The following CD28 variants were observed in gnomAD, a reference collection of about 807,000 sequenced individuals.
CD28 encodes the protein CD28 molecule, also known as T-cell-specific surface glycoprotein CD28.
CD28 carries 8 observed loss-of-function variants against 21.4 expected under a neutral mutation model. The observed-to-expected ratio is 0.37, with a 90% CI of 0.22 to 0.68. The LOEUF is 0.68. Ranked by LOEUF, CD28 falls within the 30% of genes least tolerant of loss-of-function variation. The pLI, the probability that CD28 is intolerant of heterozygous loss-of-function variation, is 0.55. For missense variants in CD28, 239 were observed against 272.2 expected, an observed-to-expected ratio of 0.88 and a Z score of 0.86; for synonymous variants, 106 against 104.0, an observed-to-expected ratio of 1.02 and a Z score of -0.12.
intron 1 of CD28, among the ~76,000 whole-genome samples, chr2:203,713,182 C>T (rs10932017): frequency 0.49 from 75,077 of 152,034 alleles, 18,889 homozygotes; most frequent in South Asian, 0.66. Context: ...GAGAATCCAG[C>T]TAAGCAAAGG....
chr2:203,723,480 C>A (rs1693656872), intron 1 of CD28, among the ~76,000 whole-genome samples: 1 of 137,888 alleles, frequency 7.3e-6, no homozygotes, highest in Non-Finnish European at 1.6e-5. Context: ...GAGTGAGACT[C>A]TGTAAAAATA....
intron 1 of CD28, among the ~76,000 whole-genome samples, chr2:203,711,582 C>G (rs1452263634): frequency 6.6e-6 from 1 of 152,256 alleles, no homozygotes; most frequent in East Asian, 1.9e-4. Context: ...TTGTGGCTGA[C>G]AATATAACCA....
chr2:203,711,728 C>T (rs1693317297), intron 1 of CD28, among the ~76,000 whole-genome samples: 1 of 152,186 alleles, frequency 6.6e-6, no homozygotes, highest in South Asian at 2.1e-4. Flanking sequence ...ATCTACTTGT[C>T]TTTCATGTTA....
At chr2:203,724,160 T>TA (rs1017931759) in intron 1 of CD28, among the ~76,000 whole-genome samples, 14 of 152,192 alleles carry the variant, frequency 9.2e-5, no homozygotes, top group African/African-American at 2.2e-4. Flanking sequence ...ATTCTACTTA[T>TA]AAAAAAAGTC....
chr2:203,732,723 C>T (rs1423054235), intron 3 of CD28, among the ~76,000 whole-genome samples: 1 of 152,182 alleles, frequency 6.6e-6, no homozygotes, highest in Non-Finnish European at 1.5e-5. Context: ...ACTTCCTGCA[C>T]ACATATGCAC....
At chr2:203,714,015 A>T (rs1693395751) in intron 1 of CD28, among the ~76,000 whole-genome samples, 1 of 151,694 alleles carries the variant, frequency 6.6e-6, no homozygotes, top group Non-Finnish European at 1.5e-5. Flanking sequence ...ATAGGGAGGG[A>T]GATTTGTTGC....
intron 3 of CD28, among the ~76,000 whole-genome samples, chr2:203,730,254 T>A (rs898756984): frequency 2.6e-5 from 4 of 152,036 alleles, no homozygotes; most frequent in Admixed American, 1.3e-4. Flanking sequence ...TGAGTCATAT[T>A]TTTTTTTCTC....
chr2:203,715,973 C>G (rs1414565561), intron 1 of CD28, among the ~76,000 whole-genome samples: 2 of 152,140 alleles, frequency 1.3e-5, no homozygotes, highest in Non-Finnish European at 2.9e-5. Flanking sequence ...TTCCCTTGCT[C>G]CAAGCCAAGG....
At chr2:203,713,521 G>A (rs1478461252) in intron 1 of CD28, among the ~76,000 whole-genome samples, 2 of 152,014 alleles carry the variant, frequency 1.3e-5, no homozygotes, top group Non-Finnish European at 1.5e-5. Context: ...AAAAGATAGT[G>A]GTTAATAGCA....
chr2:203,722,383 T>C (rs1359869861), intron 1 of CD28, among the ~76,000 whole-genome samples: 1 of 152,262 alleles, frequency 6.6e-6, no homozygotes, highest in African/African-American at 2.4e-5. Context: ...AACTTTTTGA[T>C]TCTTTGCATG....
At chr2:203,709,358 G>A (rs972791523) in intron 1 of CD28, among the ~76,000 whole-genome samples, 5 of 152,134 alleles carry the variant, frequency 3.3e-5, no homozygotes, top group African/African-American at 9.7e-5. Flanking sequence ...ATTTAATAAT[G>A]TGTGTGTATG....
intron 1 of CD28, among the ~76,000 whole-genome samples, chr2:203,717,144 G>A (rs528755230): frequency 1.2e-4 from 18 of 152,236 alleles, no homozygotes; most frequent in Middle Eastern, 3.4e-3. Context: ...ACTGTGCCAG[G>A]CCTTTAGTAA....
At chr2:203,734,397 A>C (rs1221823138) in intron 3 of CD28, among the ~76,000 whole-genome samples, 1 of 152,238 alleles carries the variant, frequency 6.6e-6, no homozygotes, top group Non-Finnish European at 1.5e-5. Flanking sequence ...ATTATGGAAA[A>C]ACAGCTTGTT....
At chr2:203,717,058 G>T (rs1693479772) in intron 1 of CD28, among the ~76,000 whole-genome samples, 1 of 152,086 alleles carries the variant, frequency 6.6e-6, no homozygotes. Flanking sequence ...TGTTGCCCAG[G>T]CTGGTTTCCA....
chr2:203,712,836 A>G (rs7426281), intron 1 of CD28, among the ~76,000 whole-genome samples: 22,744 of 152,220 alleles, frequency 0.15, 1,910 homozygotes, highest in Non-Finnish European at 0.19. Context: ...TTTATTTTGC[A>G]CTTATAATGT....
At position 203,726,770 on chromosome 2, in the gene CD28, G is replaced by C; in HGVS notation, c.190G>C (p.Glu64Gln). Reference sequence around the variant, plus strand: ...TCACAAAGGACTGGATAGTGCTGTGGAAGTCTGTGTTGTATATGGGAATTA... The same window carrying C: ...TCACAAAGGACTGGATAGTGCTGTGCAAGTCTGTGTTGTATATGGGAATTA... ...SLHKGLDSAVEVCVVYGNYSQ... is the reference protein window; with the variant it reads ...SLHKGLDSAVQVCVVYGNYSQ... The change falls in exon 2 of 4, where the codon GAA (glutamate) becomes CAA (glutamine). Residue 64 changes from glutamate (E) to glutamine (Q), a missense_variant. Coordinates refer to ENST00000324106, the MANE Select transcript of CD28 (RefSeq NM_006139.4). 6.2e-7 allele frequency: 1 copy of C among 1,614,168 alleles called. No individual in the cohort carries two copies. Among genetic ancestry groups the C allele is most frequent in the Non-Finnish European group, 8.5e-7 (1 of 1,180,032 alleles).
At chr2:203,733,822 G>A (rs940859035) in intron 3 of CD28, among the ~76,000 whole-genome samples, 3 of 152,174 alleles carry the variant, frequency 2.0e-5, no homozygotes, top group Non-Finnish European at 1.5e-5. Context: ...GGAAGTCAGC[G>A]TTTTTCAAAC....
In CD28 at chr2:203,735,862, G is replaced by C. The variant is rs1694018231; in HGVS notation, c.*950G>C. On this transcript the variant is annotated 3_prime_UTR_variant, in exon 4 of 4. Transcript: ENST00000324106. ...GTCTGTACTAAAAATACAAAATTTA[G>C]CTTGGCCTGGTGGCAGGCACCTGTA... 1 of 152,110 alleles carries C rather than the reference G, an allele frequency of 6.6e-6. No individual in the cohort carries two copies. Among genetic ancestry groups the C allele is most frequent in the Non-Finnish European group, 1.5e-5 (1 of 68,062 alleles). The allele number at this position is 152,110 out of a possible 1,614,324, so 9.4% of individuals were successfully genotyped here.
chr2:203,730,195 T>G (rs1218316996), intron 3 of CD28, among the ~76,000 whole-genome samples: 2 of 152,218 alleles, frequency 1.3e-5, no homozygotes, highest in African/African-American at 2.4e-5. Flanking sequence ...GAAACTTGGC[T>G]ACTGAAATTG....
Sources: allele counts gnomAD v4.1 joint callset (sites outside exome capture counted in the v4.1 genomes callset), GRCh38; gene constraint gnomAD v4.1.1; transcripts MANE v1.5; gene names NCBI Gene and HGNC (gene_info 2026-07-23, HGNC 2026-07-21).